The following MERTK variants were observed in gnomAD, a reference collection of about 807,000 sequenced individuals.
MERTK encodes tyrosine-protein kinase Mer.
A neutral mutation model predicts 99.3 loss-of-function variants in MERTK; 69 were observed. That is an observed-to-expected ratio of 0.70 (90% confidence interval 0.57 to 0.85). MERTK has a LOEUF of 0.85. Among genes scored for constraint, MERTK ranks in the 40% least tolerant of loss-of-function variants. The pLI, the probability that MERTK is intolerant of heterozygous loss-of-function variation, is 0.00. For missense variants in MERTK, 1,125 were observed against 1,249.4 expected (o/e 0.90, Z 1.50); for synonymous variants, 426 against 467.6 (o/e 0.91, Z 1.15).
intron 7 of MERTK, among the ~76,000 whole-genome samples, chr2:111,980,385 A>G (rs1269593984): frequency 2.0e-5 from 3 of 151,514 alleles, no homozygotes; most frequent in Non-Finnish European, 4.4e-5. Flanking sequence ...AGGCATGGAG[A>G]AGACAGACTT....
chr2:111,921,485 A>G lies in MERTK; in HGVS notation c.62-7635A>G, dbSNP rs185259242. ...ACTGCACTCCAGCCTGGGCTGTGACAGACTAAGACGCGATCTCAAAAAAAA... is the reference window on the plus strand; with the variant it reads ...ACTGCACTCCAGCCTGGGCTGTGACGGACTAAGACGCGATCTCAAAAAAAA... On this transcript the variant is annotated intron_variant, in intron 1 of 18. Coordinates refer to ENST00000295408, the MANE Select transcript of MERTK (RefSeq NM_006343.3). 5.6e-3 allele frequency among the ~76,000 whole-genome samples: 812 copies of G among 144,236 alleles called. 4 individuals carry two copies. Among genetic ancestry groups the G allele is most frequent in the Middle Eastern group, 0.014 (4 of 292 alleles). 94.6% of individuals were successfully genotyped at this position (144,236 alleles called of 152,430 possible). A position where few individuals can be genotyped will look rare whatever the true frequency, so the allele number is the denominator to read the frequency against.
chr2:112,021,415 T>C lies in MERTK; in HGVS notation c.2190-7T>C, dbSNP rs1677345549. ...ACGCTGCTGAAGACGTAACCTGCTC[T>C]CTGTAGGTTGCGAGATGACATGACT... On this transcript the variant is annotated splice_polypyrimidine_tract_variant and splice_region_variant and intron_variant, in intron 16 of 18. Transcript: ENST00000295408. 1 of 1,612,818 alleles carries C rather than the reference T, an allele frequency of 6.2e-7. No individual in the cohort carries two copies. The highest frequency in any genetic ancestry group is 1.3e-5 in the African/African-American group (1 of 74,886).
chr2:111,914,101 C>CTTTCTTTTT (rs1558769190), intron 1 of MERTK, among the ~76,000 whole-genome samples: 3 of 94,456 alleles, frequency 3.2e-5, no homozygotes, highest in African/African-American at 1.4e-4. Context: ...TTCTTTCTTT[C>CTTTCTTTTT]TTTTTTTTTT....
chr2:111,926,608 T>G (rs1180291079), intron 1 of MERTK, among the ~76,000 whole-genome samples: 1 of 152,108 alleles, frequency 6.6e-6, no homozygotes. Context: ...GCACCTGTAG[T>G]CCCAGCTACT....
intron 1 of MERTK, among the ~76,000 whole-genome samples, chr2:111,920,918 A>C (rs1240163039): frequency 6.6e-6 from 1 of 152,132 alleles, no homozygotes; most frequent in African/African-American, 2.4e-5. Context: ...GGCCTCCCAA[A>C]GTGCTGGGAT....
intron 1 of MERTK, among the ~76,000 whole-genome samples, chr2:111,904,374 A>G (rs1684098591): frequency 7.2e-6 from 1 of 138,436 alleles, no homozygotes; most frequent in Non-Finnish European, 1.6e-5. Flanking sequence ...AACATCCAGA[A>G]AATTCTTTTT....
At chr2:111,975,604 G>A in intron 7 of MERTK, 132 bp downstream of exon 7, 1 of 955,942 alleles carries the variant, frequency 1.0e-6, no homozygotes, top group Non-Finnish European at 1.7e-6. Flanking sequence ...AATTATTGAG[G>A]CGACTGATGA....
intron 1 of MERTK, among the ~76,000 whole-genome samples, chr2:111,913,223 G>A (rs1684285004): frequency 6.6e-6 from 1 of 152,140 alleles, no homozygotes; most frequent in Admixed American, 6.6e-5. Flanking sequence ...TATCAATTTG[G>A]GGAGAATTGA....
At chr2:111,986,096 TTGGAAGCAGTAGGTGA>T (rs1252185657) in intron 8 of MERTK, among the ~76,000 whole-genome samples, 7 of 152,204 alleles carry the variant, frequency 4.6e-5, no homozygotes, top group African/African-American at 1.7e-4. Flanking sequence ...AAGCAGACTG[TTGGAAGCAGTAGGTGA>T]TGGAAGTAGA....
At chr2:111,918,652 G>A (rs1449891729) in intron 1 of MERTK, among the ~76,000 whole-genome samples, 2 of 152,234 alleles carry the variant, frequency 1.3e-5, no homozygotes, top group Non-Finnish European at 2.9e-5. Context: ...TGAATGGTCT[G>A]AGTCAGCATA....
At chr2:111,987,690 C>T (rs557659852) in intron 8 of MERTK, among the ~76,000 whole-genome samples, 1 of 152,310 alleles carries the variant, frequency 6.6e-6, no homozygotes, top group Middle Eastern at 3.4e-3. Context: ...AAAAAGAGTT[C>T]AGTGAGCAAA....
At chr2:111,935,364 T>C (rs2104692887) in intron 2 of MERTK, among the ~76,000 whole-genome samples, 1 of 152,316 alleles carries the variant, frequency 6.6e-6, no homozygotes, top group South Asian at 2.1e-4. Context: ...GCTAAGGTAC[T>C]GTTGCCTTCA....
chr2:111,899,856 G>A (rs936946334), intron 1 of MERTK, among the ~76,000 whole-genome samples: 3 of 151,986 alleles, frequency 2.0e-5, no homozygotes, highest in Non-Finnish European at 2.9e-5. Flanking sequence ...ACTGATACGT[G>A]GAGGCAAGGA....
intron 7 of MERTK, 81 bp from the exon 8 acceptor site, chr2:111,982,761 C>A: frequency 6.6e-7 from 1 of 1,523,480 alleles, no homozygotes; most frequent in Non-Finnish European, 9.1e-7. Flanking sequence ...ATTTGAAAAC[C>A]AAACACTTGA....
chr2:112,022,244 T>TG lies in MERTK; in HGVS notation c.2350-13dup. 1 of 1,614,238 alleles carries TG rather than the reference T, an allele frequency of 6.2e-7. No individual in the cohort carries two copies. The highest frequency in any genetic ancestry group is 1.1e-5 in the South Asian group (1 of 91,082). On this transcript the variant is annotated splice_polypyrimidine_tract_variant and intron_variant, in intron 17 of 18. Transcript: ENST00000295408. ...AAAGGCTTGCATCCTAACTTGTTGT[T>TG]GCTTTGTTCCCAGTGGGCATTTGGC... is the stretch of plus-strand genomic sequence containing the variant.
intron 4 of MERTK, among the ~76,000 whole-genome samples, chr2:111,955,683 G>T (rs1198003607): frequency 3.9e-5 from 6 of 152,122 alleles, no homozygotes; most frequent in Non-Finnish European, 8.8e-5. Context: ...TCTTATCATT[G>T]GGTAAAGCTG....
intron 14 of MERTK, chr2:112,008,828 G>A (rs868263160): frequency 3.0e-6 from 1 of 333,148 alleles, no homozygotes; most frequent in Middle Eastern, 3.8e-4. Flanking sequence ...GATAGCAGTG[G>A]GATAAAGGTG....
chr2:112,015,283 A>G (rs1677194869), intron 15 of MERTK, among the ~76,000 whole-genome samples: 1 of 152,156 alleles, frequency 6.6e-6, no homozygotes, highest in Non-Finnish European at 1.5e-5. Flanking sequence ...TTACATTCTC[A>G]CCAGCAGTGT....
chr2:112,020,971 A>C (rs141482959), intron 16 of MERTK, among the ~76,000 whole-genome samples: 1 of 151,680 alleles, frequency 6.6e-6, no homozygotes, highest in African/African-American at 2.4e-5. Context: ...AGGCGGGCAG[A>C]TCACTTGAGA....
Sources: allele counts gnomAD v4.1 joint callset (sites outside exome capture counted in the v4.1 genomes callset), GRCh38; gene constraint gnomAD v4.1.1; transcripts MANE v1.5; gene names NCBI Gene and HGNC (gene_info 2026-07-23, HGNC 2026-07-21).